PRUNE2: variants seen among roughly 807,000 people sequenced by gnomAD.
PRUNE2 encodes the protein protein prune homolog 2.
A neutral mutation model predicts 252.0 loss-of-function variants in PRUNE2; 164 were observed. The observed-to-expected ratio is 0.65, with a 90% CI of 0.57 to 0.74. The LOEUF (loss-of-function observed/expected upper bound fraction) is 0.74. Among genes scored for constraint, PRUNE2 ranks in the 30% least tolerant of loss-of-function variants. PRUNE2 has a pLI of 0.00. For synonymous variants in PRUNE2, 1,292 were observed against 1,350.2 expected (o/e 0.96, Z 0.94); for missense variants, 3,495 against 3,711.0 (o/e 0.94, Z 1.51).
intron 6 of PRUNE2, among the ~76,000 whole-genome samples, chr9:76,775,553 A>G (rs1031686336): frequency 3.3e-5 from 5 of 152,074 alleles, no homozygotes; most frequent in African/African-American, 1.2e-4. Context: ...TGCCTGCCTC[A>G]GCCTCCCAAA....
At position 76,627,298 on chromosome 9, in the gene PRUNE2, GC is replaced by G. The variant is rs374885584; in HGVS notation, c.9149+1893del. 9.9e-3 allele frequency among the ~76,000 whole-genome samples: 1,278 copies of G among 129,046 alleles called. 33 individuals carry two copies. The highest frequency in any genetic ancestry group is 0.029 in the African/African-American group (1,143 of 39,522). The allele number at this position is 129,046 out of a possible 152,430, so 84.7% of individuals were successfully genotyped here. A position where few individuals can be genotyped will look rare whatever the true frequency, so the allele number is the denominator to read the frequency against. On this transcript the variant is annotated intron_variant, in intron 16 of 18. Coordinates refer to ENST00000376718, the MANE Select transcript of PRUNE2 (RefSeq NM_015225.3). ...GTGTTTTTTTCATAGAGATGGGGTG[GC>G]GGGGGGCTCACCATGTTGCCCAGGC...
chr9:76,703,219 A>G (rs1056483113), intron 9 of PRUNE2, 118 bp downstream of exon 9: 6 of 831,876 alleles, frequency 7.2e-6, no homozygotes, highest in East Asian at 2.7e-5. Flanking sequence ...CTTGCATTCA[A>G]TATAAGCAAA....
intron 9 of PRUNE2, among the ~76,000 whole-genome samples, chr9:76,697,287 A>G (rs1243021806): frequency 6.6e-6 from 1 of 152,168 alleles, no homozygotes; most frequent in Non-Finnish European, 1.5e-5. Context: ...GAGTTGCACC[A>G]CCTCATCTTG....
Position 76,620,994 on chromosome 9 carries a change from AAAGAT to A in PRUNE2, c.9189-1612_9189-1608del, listed in dbSNP as rs1422531265. Among the ~76,000 whole-genome samples the A allele has an allele frequency of 9.2e-5, 14 of 152,338 alleles. No individual in the cohort carries two copies. In the Middle Eastern group the frequency reaches 0.017, roughly 185 times the overall value. ...CTGTATACAGCTAAGGTTTTAAAGA[AAAGAT>A]AAGGCAGGCTGAGGAAATCACCTTC... is the stretch of plus-strand genomic sequence containing the variant. On this transcript the variant is annotated intron_variant, in intron 17 of 18. Coordinates refer to ENST00000376718, the MANE Select transcript of PRUNE2 (RefSeq NM_015225.3).
At position 76,707,653 on chromosome 9, in the gene PRUNE2, T is replaced by G; in HGVS notation, c.4621A>C (p.Thr1541Pro). The part of the protein sequence containing the change: ...FDRDTISSEY[T>P]HSSASSPELN... ...TCAGGACTTGATGCACTTGAATGAG[T>G]ATACTCACTAGAAATAGTATCTCTG... The change falls in exon 8 of 19, where the codon ACT becomes CCT. Residue 1541 changes from threonine to proline, a missense_variant. By Grantham distance (38) the Thr-to-Pro change is conservative (BLOSUM62 -1). Coordinates refer to ENST00000376718, the MANE Select transcript of PRUNE2 (RefSeq NM_015225.3). 1 of 1,613,886 alleles carries G rather than the reference T, an allele frequency of 6.2e-7. No homozygotes were observed.
At chr9:76,694,561 G>C (rs2045194520) in intron 9 of PRUNE2, among the ~76,000 whole-genome samples, 1 of 152,084 alleles carries the variant, frequency 6.6e-6, no homozygotes, top group Non-Finnish European at 1.5e-5. Context: ...TTGTCATCAG[G>C]CCAATCATAG....
At chr9:76,690,843 C>G (rs2044641486) in intron 9 of PRUNE2, among the ~76,000 whole-genome samples, 1 of 152,114 alleles carries the variant, frequency 6.6e-6, no homozygotes, top group Non-Finnish European at 1.5e-5. Context: ...GGAACAAGGT[C>G]CACACCATTT....
chr9:76,618,605 C>A (rs1486520707), intron 18 of PRUNE2, among the ~76,000 whole-genome samples: 1 of 152,124 alleles, frequency 6.6e-6, no homozygotes, highest in Non-Finnish European at 1.5e-5. Context: ...AGTGGTACAC[C>A]CATCTAGCAT....
intron 6 of PRUNE2, among the ~76,000 whole-genome samples, chr9:76,770,360 G>A (rs967148731): frequency 6.6e-6 from 1 of 151,956 alleles, no homozygotes; most frequent in Non-Finnish European, 1.5e-5. Flanking sequence ...AAAATATCAA[G>A]GATTTTTTTA....
intron 1 of PRUNE2, among the ~76,000 whole-genome samples, chr9:76,894,842 A>C (rs1424425049): frequency 2.0e-5 from 3 of 152,052 alleles, no homozygotes; most frequent in Non-Finnish European, 4.4e-5. Flanking sequence ...CAACATGATG[A>C]AACCCCGTCT....
At chr9:76,733,231 T>A (rs1473453100) in intron 6 of PRUNE2, among the ~76,000 whole-genome samples, 1 of 152,114 alleles carries the variant, frequency 6.6e-6, no homozygotes, top group Non-Finnish European at 1.5e-5. Context: ...GATGGCAACA[T>A]CTTCATGGAC....
At chr9:76,832,165 T>C (rs545806311) in intron 4 of PRUNE2, among the ~76,000 whole-genome samples, 1 of 152,092 alleles carries the variant, frequency 6.6e-6, no homozygotes, top group South Asian at 2.1e-4. Flanking sequence ...ACAGTCACAG[T>C]GGAAAATTTT....
intron 4 of PRUNE2, 27 bp downstream of exon 4, chr9:76,846,488 T>C (rs1428055146): frequency 6.3e-7 from 1 of 1,597,400 alleles, no homozygotes; most frequent in Non-Finnish European, 8.5e-7. Flanking sequence ...AGCCTTCCAG[T>C]ATTTAATAGG....
chr9:76,702,648 T>C (rs1323719659), intron 9 of PRUNE2, among the ~76,000 whole-genome samples: 2 of 87,066 alleles, frequency 2.3e-5, no homozygotes, highest in Non-Finnish European at 5.4e-5. Flanking sequence ...TTAATGACAG[T>C]TTGCCAATTT....
intron 1 of PRUNE2, among the ~76,000 whole-genome samples, chr9:76,887,468 T>C (rs566516023): frequency 6.6e-6 from 1 of 152,354 alleles, no homozygotes; most frequent in South Asian, 2.1e-4. Flanking sequence ...CTTCTAATTA[T>C]TAACTTTCCT....
Position 76,708,302 on chromosome 9 carries a change from A to G in PRUNE2, c.3972T>C (p.Ser1324=). The change falls in exon 8 of 19, where the codon AGT becomes AGC. Residue 1324 remains serine, a synonymous_variant. Transcript: ENST00000376718. ...DPWKGHGDGQ[S]ESEKEAQGAT... ...CTCCCTGGGCTTCCTTCTCACTTTC[A>G]CTTTGTCCATCGCCATGACCTTTCC... The G allele has an allele frequency of 6.2e-7, 1 of 1,613,692 alleles. No homozygotes were observed. The highest frequency in any genetic ancestry group is 8.5e-7 in the Non-Finnish European group (1 of 1,179,870).
chr9:76,747,066 TTGTAGGACTG>T (rs987889887), intron 6 of PRUNE2, among the ~76,000 whole-genome samples: 19 of 152,332 alleles, frequency 1.2e-4, no homozygotes, highest in African/African-American at 4.1e-4. Flanking sequence ...GGAGGTGGTC[TTGTAGGACTG>T]TGTCCTTAAC....
intron 1 of PRUNE2, among the ~76,000 whole-genome samples, chr9:76,866,528 C>G (rs181989510): frequency 9.2e-5 from 14 of 152,286 alleles, no homozygotes; most frequent in African/African-American, 3.1e-4. Context: ...AGAATGACAA[C>G]AAGACATACG....
intron 18 of PRUNE2, among the ~76,000 whole-genome samples, chr9:76,617,541 T>A (rs1389442721): frequency 2.0e-5 from 3 of 152,128 alleles, no homozygotes; most frequent in Non-Finnish European, 2.9e-5. Context: ...TTGGTTACTC[T>A]TGCCCCTTAT....
Sources: allele counts gnomAD v4.1 joint callset (sites outside exome capture counted in the v4.1 genomes callset), GRCh38; gene constraint gnomAD v4.1.1; transcripts MANE v1.5; gene names NCBI Gene and HGNC (gene_info 2026-07-23, HGNC 2026-07-21).